MARCHF11: variants seen among roughly 807,000 people sequenced by gnomAD.
The protein encoded by MARCHF11 is membrane associated ring-CH-type finger 11.
A neutral mutation model predicts 37.3 loss-of-function variants in MARCHF11; 29 were observed. That is an observed-to-expected ratio of 0.78 (90% CI 0.58 to 1.06). The LOEUF (loss-of-function observed/expected upper bound fraction) is 1.06. MARCHF11 is among the 50% of genes least tolerant of loss of function. The pLI is 0.00. For missense variants in MARCHF11, 482 were observed against 533.4 expected (o/e 0.90, Z 0.95); for synonymous variants, 233 against 228.0 (o/e 1.02, Z -0.20).
chr5:16,104,095 G>A (rs1736999920), intron 2 of MARCHF11, among the ~76,000 whole-genome samples: 1 of 152,192 alleles, frequency 6.6e-6, no homozygotes, highest in Non-Finnish European at 1.5e-5. Context: ...CAGAAAACCA[G>A]AGACTTCGTG....
chr5:16,130,802 AC>A (rs545136783), intron 2 of MARCHF11, among the ~76,000 whole-genome samples: 16 of 152,242 alleles, frequency 1.1e-4, no homozygotes, highest in African/African-American at 3.8e-4. Flanking sequence ...TGACGGTCTA[AC>A]CCCAAATATG....
intron 2 of MARCHF11, among the ~76,000 whole-genome samples, chr5:16,145,395 C>A (rs945871724): frequency 4.6e-5 from 7 of 152,260 alleles, no homozygotes; most frequent in Non-Finnish European, 8.8e-5. Context: ...GGACCTTTCT[C>A]CCCTCTGGAG....
chr5:16,115,190 G>GT (rs1737210127), intron 2 of MARCHF11, among the ~76,000 whole-genome samples: 1 of 152,168 alleles, frequency 6.6e-6, no homozygotes, highest in African/African-American at 2.4e-5. Flanking sequence ...GCCAATTTAC[G>GT]TAAGATAAAA....
At chr5:16,088,324 G>T (rs967092397) in intron 3 of MARCHF11, among the ~76,000 whole-genome samples, 1 of 152,086 alleles carries the variant, frequency 6.6e-6, no homozygotes, top group Non-Finnish European at 1.5e-5. Context: ...GAGCTCCTTG[G>T]GGAAGGAAAG....
At chr5:16,138,766 A>G (rs571999464) in intron 2 of MARCHF11, among the ~76,000 whole-genome samples, 1 of 152,228 alleles carries the variant, frequency 6.6e-6, no homozygotes, top group African/African-American at 2.4e-5. Flanking sequence ...TAACCTGGAT[A>G]TGAGACATGG....
chr5:16,141,453 C>T (rs879113217), intron 2 of MARCHF11: 3 of 152,184 alleles, frequency 2.0e-5, no homozygotes, highest in South Asian at 2.1e-4. Flanking sequence ...AAACTGTGGC[C>T]CTTTCCCAAG....
chr5:16,117,652 G>A (rs1471748726), intron 2 of MARCHF11, among the ~76,000 whole-genome samples: 1 of 152,196 alleles, frequency 6.6e-6, no homozygotes, highest in Non-Finnish European at 1.5e-5. Context: ...TACGCAGGAG[G>A]CCAAGGTGGG....
At chr5:16,173,847 C>T (rs1357742783) in intron 2 of MARCHF11, among the ~76,000 whole-genome samples, 1 of 152,162 alleles carries the variant, frequency 6.6e-6, no homozygotes, top group Non-Finnish European at 1.5e-5. Context: ...ATTTATGTGT[C>T]TAATTCTCAA....
intron 2 of MARCHF11, among the ~76,000 whole-genome samples, chr5:16,133,803 T>C (rs1015213722): frequency 2.1e-5 from 3 of 145,334 alleles, no homozygotes; most frequent in African/African-American, 5.1e-5. Flanking sequence ...CTGATGAGCT[T>C]TAAAAAAAAA....
At chr5:16,122,835 A>G (rs976388148) in intron 2 of MARCHF11, among the ~76,000 whole-genome samples, 2 of 152,082 alleles carry the variant, frequency 1.3e-5, no homozygotes, top group African/African-American at 2.4e-5. Context: ...ATGTTTAAAA[A>G]CCATCAGACC....
Position 16,179,757 on chromosome 5 carries a change from G to A in MARCHF11, c.-182C>T. Reference sequence around the variant, plus strand: ...GGTTCTGCAGCTGCGGCGGCGGCAGGCGCGGCCGTTCGGTGGAGCCGCCGG... The same window carrying A: ...GGTTCTGCAGCTGCGGCGGCGGCAGACGCGGCCGTTCGGTGGAGCCGCCGG... On this transcript the variant is annotated 5_prime_UTR_variant, in exon 1 of 4. Coordinates refer to ENST00000332432, the MANE Select transcript of MARCHF11 (RefSeq NM_001102562.3). The A allele has an allele frequency of 3.3e-6, 1 of 303,718 alleles. No homozygotes were observed. The highest frequency in any genetic ancestry group is 2.3e-5 in the African/African-American group (1 of 44,124). 18.8% of individuals were successfully genotyped at this position (303,718 alleles called of 1,614,324 possible).
chr5:16,099,905 G>A (rs1268538670), intron 2 of MARCHF11, among the ~76,000 whole-genome samples: 1 of 152,138 alleles, frequency 6.6e-6, no homozygotes, highest in Non-Finnish European at 1.5e-5. Context: ...GGAAGCTCCC[G>A]ATGTGTACTC....
chr5:16,152,662 G>A (rs922990762), intron 2 of MARCHF11, among the ~76,000 whole-genome samples: 3 of 151,924 alleles, frequency 2.0e-5, no homozygotes, highest in African/African-American at 4.8e-5. Context: ...GCCCTCTGAT[G>A]AATCCAATTG....
At chr5:16,142,934 T>G (rs1320412220) in intron 2 of MARCHF11, among the ~76,000 whole-genome samples, 1 of 143,192 alleles carries the variant, frequency 7.0e-6, no homozygotes, top group Admixed American at 7.2e-5. Flanking sequence ...GAGATGCAGT[T>G]TCTCCATGTT....
intron 2 of MARCHF11, among the ~76,000 whole-genome samples, chr5:16,118,166 C>T (rs1021619289): frequency 4.6e-5 from 7 of 152,080 alleles, no homozygotes; most frequent in Admixed American, 6.5e-5. Flanking sequence ...ATGGGACGCG[C>T]GGGGGGAAAG....
chr5:16,085,487 T>C (rs893930846), intron 3 of MARCHF11, among the ~76,000 whole-genome samples: 3 of 151,596 alleles, frequency 2.0e-5, no homozygotes. Context: ...ACTCGAATGG[T>C]TAAGTGTAGT....
intron 3 of MARCHF11, among the ~76,000 whole-genome samples, chr5:16,089,390 A>G (rs1023184953): frequency 2.6e-5 from 4 of 152,236 alleles, no homozygotes; most frequent in African/African-American, 9.6e-5. Flanking sequence ...ATTTGAATAA[A>G]GATTTAGAAC....
chr5:16,071,003 G>A (rs1464284323), intron 3 of MARCHF11, among the ~76,000 whole-genome samples: 1 of 152,074 alleles, frequency 6.6e-6, no homozygotes, highest in Non-Finnish European at 1.5e-5. Context: ...TTGTGCTAGT[G>A]GTTATCAGGT....
At chr5:16,119,333 G>A (rs749595084) in intron 2 of MARCHF11, among the ~76,000 whole-genome samples, 2 of 151,612 alleles carry the variant, frequency 1.3e-5, no homozygotes, top group African/African-American at 2.4e-5. Flanking sequence ...CTGCACTCCA[G>A]CCTGGGCAAC....
Sources: allele counts gnomAD v4.1 joint callset (sites outside exome capture counted in the v4.1 genomes callset), GRCh38; gene constraint gnomAD v4.1.1; transcripts MANE v1.5; gene names NCBI Gene and HGNC (gene_info 2026-07-23, HGNC 2026-07-21).